Variants in REV1 observed in about 807,000 individuals in gnomAD.
REV1 encodes REV1 DNA directed polymerase.
REV1 carries 42 observed loss-of-function variants against 137.4 expected under a neutral mutation model. The ratio of observed to expected loss-of-function variants is 0.31; its 90% CI spans 0.24 to 0.40. The LOEUF is 0.40. REV1 is among the 10% of genes least tolerant of loss of function. The pLI, the probability that REV1 is intolerant of heterozygous loss-of-function variation, is 1.00. For synonymous variants in REV1, 524 were observed against 519.2 expected, an observed-to-expected ratio of 1.01 and a Z score of -0.12; for missense variants, 1,282 against 1,490.1, an observed-to-expected ratio of 0.86 and a Z score of 2.30.
At chr2:99,428,966 T>C (rs972732792) in intron 9 of REV1, among the ~76,000 whole-genome samples, 1 of 135,278 alleles carries the variant, frequency 7.4e-6, no homozygotes, top group African/African-American at 2.8e-5. Flanking sequence ...CACTCCAGCC[T>C]GGGTGACAGA....
intron 14 of REV1, among the ~76,000 whole-genome samples, chr2:99,409,677 C>T (rs1012667308): frequency 2.0e-5 from 3 of 152,054 alleles, no homozygotes; most frequent in Admixed American, 2.0e-4. Flanking sequence ...AACCCTATCT[C>T]TACTGAAAAT....
intron 9 of REV1, 50 bp downstream of exon 9, chr2:99,429,790 T>A: frequency 8.9e-7 from 1 of 1,128,900 alleles, no homozygotes; most frequent in African/African-American, 1.6e-5. Context: ...TATATAAAAA[T>A]AATTAACCAA....
intron 1 of REV1, among the ~76,000 whole-genome samples, chr2:99,489,202 G>A (rs545211429): frequency 3.0e-4 from 45 of 152,292 alleles, no homozygotes; most frequent in African/African-American, 9.9e-4. Context: ...GAACGGACAA[G>A]CAGCAAGGAA....
intron 4 of REV1, 89 bp downstream of exon 4, chr2:99,449,247 A>G (rs1417171025): frequency 1.3e-6 from 1 of 776,296 alleles, no homozygotes; most frequent in African/African-American, 1.9e-5. Context: ...CCTGGGCGAC[A>G]AAGCGAGACC....
At chr2:99,459,220 A>T (rs1307819787) in intron 3 of REV1, among the ~76,000 whole-genome samples, 1 of 140,714 alleles carries the variant, frequency 7.1e-6, no homozygotes, top group Non-Finnish European at 1.5e-5. Context: ...AAAAAAAAAA[A>T]GAAAGATCTT....
chr2:99,489,482 C>A (rs1266564765), intron 1 of REV1, among the ~76,000 whole-genome samples: 2 of 146,826 alleles, frequency 1.4e-5, no homozygotes, highest in Admixed American at 6.8e-5. Flanking sequence ...TGCGGCCGGG[C>A]GCGGAGGGAA....
chr2:99,402,960 C>G lies in REV1; in HGVS notation c.3313G>C (p.Ala1105Pro). 1 of 1,614,194 alleles carries G rather than the reference C, an allele frequency of 6.2e-7. No homozygotes were observed. Among genetic ancestry groups the G allele is most frequent in the Non-Finnish European group, 8.5e-7 (1 of 1,180,028 alleles). ...LNSPAKTLPG[A>P]CGSPQKLIDG... ...ATTAACTTCTGGGGACTGCCACAGG[C>G]CCCTGGCAGAGTTTTTGCAGGACTG... Residue 1105 changes from alanine (A) to proline (P), a missense_variant, in exon 20 of 23, where the codon GCC becomes CCC. Ala to Pro is a conservative substitution (Grantham distance 27, BLOSUM62 -1). This residue lies in a region of REV1 where 170 missense variants were observed against 156.8 expected (regional missense o/e 1.08). Coordinates refer to ENST00000258428, the MANE Select transcript of REV1 (RefSeq NM_016316.4).
rs1480631874 is a variant in REV1, at chr2:99,449,317, T to C, written c.350+19A>G. The C allele has an allele frequency of 9.5e-6, 13 of 1,374,296 alleles. No homozygotes were observed. Among genetic ancestry groups the C allele is most frequent in the Non-Finnish European group, 1.9e-6 (2 of 1,026,334 alleles). The allele number at this position is 1,374,296 out of a possible 1,614,324, so 85.1% of individuals were successfully genotyped here. ...TAACTTTAAAAATTTATTAATTAAATTTAATAAATTAAACTTACCTTTCCA... is the reference window on the plus strand; with the variant it reads ...TAACTTTAAAAATTTATTAATTAAACTTAATAAATTAAACTTACCTTTCCA... On this transcript the variant is annotated intron_variant, in intron 4 of 22. Transcript: ENST00000258428.
In REV1 at chr2:99,403,758, C is replaced by G; in HGVS notation, c.3103G>C (p.Ala1035Pro). Residue 1035 changes from alanine to proline, a missense_variant, in exon 19 of 23, where the codon GCG becomes CCG. Physicochemically the swap from Ala to Pro is conservative, Grantham distance 27 (BLOSUM62 -1). This residue lies in a region of REV1 where 23 missense variants were observed against 46.3 expected (regional missense o/e 0.50). Coordinates refer to ENST00000258428, the MANE Select transcript of REV1 (RefSeq NM_016316.4). Reference sequence around the variant, plus strand: ...CCCTGCCTTTGTCTTTGATCATACGCTGCTTTCAGCTCCCTCTGAAGTTCA... The same window carrying G: ...CCCTGCCTTTGTCTTTGATCATACGGTGCTTTCAGCTCCCTCTGAAGTTCA... ...PAELQRELKA[A>P]YDQRQRQGEN... The G allele has an allele frequency of 6.2e-7, 1 of 1,614,226 alleles. No homozygotes were observed. The highest frequency in any genetic ancestry group is 8.5e-7 in the Non-Finnish European group (1 of 1,180,040).
rs869170472 is a variant in REV1, at chr2:99,407,080, CTTTTT to C, written c.2449-595_2449-591del. Among the ~76,000 whole-genome samples the C allele has an allele frequency of 1.8e-3, 109 of 60,036 alleles. 1 individual carries two copies. Among genetic ancestry groups the C allele is most frequent in the African/African-American group, 5.3e-3 (83 of 15,546 alleles). 39.4% of individuals were successfully genotyped at this position (60,036 alleles called of 152,430 possible). On this transcript the variant is annotated intron_variant, in intron 15 of 22. Coordinates refer to ENST00000258428, the MANE Select transcript of REV1 (RefSeq NM_016316.4). The stretch of plus-strand genomic sequence containing the variant: ...ACATAAAACTAAACCTACAAAGGTT[CTTTTT>C]TTTTTTTTTTTTTTTTTTTTTTGAG...
intron 3 of REV1, among the ~76,000 whole-genome samples, chr2:99,460,328 G>A (rs969773112): frequency 2.0e-5 from 3 of 152,128 alleles, no homozygotes; most frequent in African/African-American, 4.8e-5. Context: ...GCCCGCCTCG[G>A]CCTCCCAAAG....
At chr2:99,462,741 G>C in intron 2 of REV1, 119 bp from the exon 3 acceptor site, 1 of 996,414 alleles carries the variant, frequency 1.0e-6, no homozygotes, top group Non-Finnish European at 1.5e-6. Flanking sequence ...CTAGTGACCA[G>C]AACATAATGA....
At chr2:99,428,743 C>T (rs185434622) in intron 9 of REV1, among the ~76,000 whole-genome samples, 2 of 152,116 alleles carry the variant, frequency 1.3e-5, no homozygotes, top group East Asian at 3.8e-4. Flanking sequence ...CGCCTGTAAT[C>T]CCAGCACTTT....
Position 99,418,819 on chromosome 2 carries a change from T to A in REV1, c.1951+9A>T, listed in dbSNP as rs1187905914. The A allele has an allele frequency of 6.2e-7, 1 of 1,608,040 alleles. No homozygotes were observed. Among genetic ancestry groups the A allele is most frequent in the East Asian group, 2.2e-5 (1 of 44,762 alleles). The stretch of plus-strand genomic sequence containing the variant: ...GTAATAAAAGTATTGTTAAAATATT[T>A]CTATTTACCTGGTAGATTGGTCACT... On this transcript the variant is annotated intron_variant, in intron 12 of 22. Coordinates refer to ENST00000258428, the MANE Select transcript of REV1 (RefSeq NM_016316.4).
intron 4 of REV1, among the ~76,000 whole-genome samples, chr2:99,446,527 C>G (rs1428743460): frequency 6.6e-6 from 1 of 152,102 alleles, no homozygotes; most frequent in African/African-American, 2.4e-5. Flanking sequence ...GACAGTCTCG[C>G]TCTACCACCC....
At chr2:99,463,318 G>A (rs566338647) in intron 2 of REV1, among the ~76,000 whole-genome samples, 48 of 151,932 alleles carry the variant, frequency 3.2e-4, no homozygotes, top group African/African-American at 1.0e-3. Context: ...TCAGGAGTTC[G>A]AGATCAGCCT....
intron 1 of REV1, among the ~76,000 whole-genome samples, chr2:99,481,310 A>G (rs1006323045): frequency 6.6e-6 from 1 of 152,240 alleles, no homozygotes; most frequent in African/African-American, 2.4e-5. Context: ...TATACAGTTT[A>G]TAACCCAAGC....
chr2:99,402,387 T>A (rs1675594231), intron 21 of REV1, 41 bp from the exon 22 acceptor site: 1 of 1,028,868 alleles, frequency 9.7e-7, no homozygotes, highest in African/African-American at 1.6e-5. Context: ...CCAGTCTTTT[T>A]GAAGGAGAAA....
chr2:99,442,024 A>C (rs1681546829), intron 5 of REV1, among the ~76,000 whole-genome samples: 1 of 151,498 alleles, frequency 6.6e-6, no homozygotes, highest in Non-Finnish European at 1.5e-5. Flanking sequence ...GAGGCCAAGG[A>C]AGGTAGATCA....
Sources: allele counts gnomAD v4.1 joint callset (sites outside exome capture counted in the v4.1 genomes callset), GRCh38; gene constraint gnomAD v4.1.1; regional missense constraint gnomAD v4.1.1; transcripts MANE v1.5; gene names NCBI Gene and HGNC (gene_info 2026-07-23, HGNC 2026-07-21).